Variants in SPOCK3 observed in about 807,000 individuals in gnomAD.
SPOCK3 encodes the protein testican-3.
SPOCK3 carries 30 observed loss-of-function variants against 56.6 expected under a neutral mutation model. The ratio of observed to expected loss-of-function variants is 0.53; its 90% CI spans 0.40 to 0.72. SPOCK3 has a LOEUF of 0.72. Among genes scored for constraint, SPOCK3 ranks in the 30% least tolerant of loss-of-function variants. The pLI is 0.00. For synonymous variants in SPOCK3, 196 were observed against 183.3 expected, an observed-to-expected ratio of 1.07 and a Z score of -0.56; for missense variants, 527 against 530.0, an observed-to-expected ratio of 0.99 and a Z score of 0.06.
intron 3 of SPOCK3, among the ~76,000 whole-genome samples, chr4:167,038,456 A>T (rs558137786): frequency 3.6e-4 from 54 of 152,084 alleles, no homozygotes; most frequent in Admixed American, 9.2e-4. Flanking sequence ...GCTAATCTTG[A>T]AAAAAGAGAG....
At chr4:167,219,060 A>C (rs964921555) in intron 2 of SPOCK3, among the ~76,000 whole-genome samples, 15 of 152,184 alleles carry the variant, frequency 9.9e-5, no homozygotes, top group African/African-American at 3.6e-4. Context: ...TCAAGGAAAA[A>C]TGTCTCAGGT....
intron 2 of SPOCK3, among the ~76,000 whole-genome samples, chr4:167,172,075 C>T (rs573702369): frequency 3.4e-4 from 52 of 152,054 alleles, no homozygotes; most frequent in Admixed American, 3.1e-3. Flanking sequence ...CTGCTTCTGG[C>T]GAGTCTCTAG....
chr4:166,946,911 C>G (rs1741832300), intron 4 of SPOCK3, among the ~76,000 whole-genome samples: 1 of 152,090 alleles, frequency 6.6e-6, no homozygotes, highest in South Asian at 2.1e-4. Flanking sequence ...ACAAAACAAT[C>G]AACATCACCA....
intron 7 of SPOCK3, among the ~76,000 whole-genome samples, chr4:166,786,266 A>T (rs1427451971): frequency 2.0e-5 from 3 of 152,132 alleles, no homozygotes; most frequent in African/African-American, 7.2e-5. Context: ...ACTATGAAGA[A>T]TTATATTAAT....
chr4:167,010,414 A>G (rs1212600913), intron 3 of SPOCK3, among the ~76,000 whole-genome samples: 1 of 151,418 alleles, frequency 6.6e-6, no homozygotes, highest in African/African-American at 2.4e-5. Flanking sequence ...AGCTACTCAG[A>G]AAGCTGAGAT....
At chr4:167,183,967 T>C (rs1192585277) in intron 2 of SPOCK3, among the ~76,000 whole-genome samples, 1 of 152,224 alleles carries the variant, frequency 6.6e-6, no homozygotes, top group Non-Finnish European at 1.5e-5. Context: ...ACCAGGATCA[T>C]TTATTTGAAG....
chr4:166,872,363 G>T (rs189742823), intron 6 of SPOCK3, among the ~76,000 whole-genome samples: 1 of 152,076 alleles, frequency 6.6e-6, no homozygotes. Context: ...AGCTAATTTA[G>T]CATCGTTGCA....
chr4:167,030,428 C>T (rs774409758), intron 3 of SPOCK3, among the ~76,000 whole-genome samples: 12 of 152,040 alleles, frequency 7.9e-5, no homozygotes, highest in Non-Finnish European at 1.0e-4. Context: ...GGCTGCGAAG[C>T]ACAGGTTAAT....
intron 5 of SPOCK3, among the ~76,000 whole-genome samples, chr4:166,900,660 T>C (rs1735945608): frequency 6.6e-6 from 1 of 152,198 alleles, no homozygotes; most frequent in Non-Finnish European, 1.5e-5. Flanking sequence ...CACGCTGCTC[T>C]TTGAATCCAC....
At chr4:166,951,145 G>A (rs1742561577) in intron 4 of SPOCK3, among the ~76,000 whole-genome samples, 1 of 144,178 alleles carries the variant, frequency 6.9e-6, no homozygotes, top group Non-Finnish European at 1.5e-5. Flanking sequence ...ATGAATCCAG[G>A]AGCTGGTTTT....
At chr4:166,801,726 A>G in intron 6 of SPOCK3, among the ~76,000 whole-genome samples, 1 of 152,320 alleles carries the variant, frequency 6.6e-6, no homozygotes, top group South Asian at 2.1e-4. Context: ...TAATTTATTT[A>G]TGAATAATTG....
intron 2 of SPOCK3, among the ~76,000 whole-genome samples, chr4:167,128,814 T>C (rs2150377568): frequency 6.6e-6 from 1 of 152,280 alleles, no homozygotes; most frequent in South Asian, 2.1e-4. Flanking sequence ...GCTCAGTTTG[T>C]CTCTTCTGTT....
In SPOCK3 at chr4:166,924,999, G is replaced by A. The variant is rs558516368; in HGVS notation, c.351-12256C>T. 4.6e-5 allele frequency among the ~76,000 whole-genome samples: 7 copies of A among 152,230 alleles called. No homozygotes were observed. In the South Asian group the frequency reaches 1.2e-3, roughly 27 times the overall value. On this transcript the variant is annotated intron_variant, in intron 4 of 10. Coordinates refer to ENST00000357545, the MANE Select transcript of SPOCK3 (RefSeq NM_001040159.2). ...CCTGGGGTACTTTAATCACTTCCCA[G>A]CAATAGATTAAATATAACTTTGTAG... is the stretch of plus-strand genomic sequence containing the variant.
chr4:166,807,687 A>T (rs1451828108), intron 6 of SPOCK3, among the ~76,000 whole-genome samples: 1 of 152,126 alleles, frequency 6.6e-6, no homozygotes, highest in Non-Finnish European at 1.5e-5. Flanking sequence ...TAGGACACAT[A>T]CTATAAAAAA....
rs183063199 is a variant in SPOCK3 at position 167,008,801 on chromosome 4, A to G, written c.236-8338T>C. On this transcript the variant is annotated intron_variant, in intron 3 of 10. Coordinates refer to ENST00000357545, the MANE Select transcript of SPOCK3 (RefSeq NM_001040159.2). ...GGAGCTAAACAAAGAGTACACATGG[A>G]CCTAAAGATGGAAACAATAGACAGT... Among the ~76,000 whole-genome samples the G allele has an allele frequency of 2.0e-5, 3 of 152,220 alleles. No individual in the cohort carries two copies. In the East Asian group the frequency reaches 5.8e-4, roughly 30 times the overall value.
At chr4:166,895,567 GAA>G (rs1218900965) in intron 5 of SPOCK3, among the ~76,000 whole-genome samples, 1 of 152,126 alleles carries the variant, frequency 6.6e-6, no homozygotes, top group Non-Finnish European at 1.5e-5. Flanking sequence ...TAAAAATACT[GAA>G]GTGTGATAGC....
chr4:167,166,084 A>T (rs916515000), intron 2 of SPOCK3, among the ~76,000 whole-genome samples: 1 of 152,064 alleles, frequency 6.6e-6, no homozygotes, highest in African/African-American at 2.4e-5. Flanking sequence ...GAAATTCATA[A>T]CCCACATGCA....
chr4:166,886,040 G>C (rs1560972548), intron 6 of SPOCK3, among the ~76,000 whole-genome samples: 1 of 151,908 alleles, frequency 6.6e-6, no homozygotes, highest in African/African-American at 2.4e-5. Flanking sequence ...ATTTTTCAAT[G>C]TTCTTTTTCA....
chr4:166,929,140 T>C (rs1739447549), intron 4 of SPOCK3, among the ~76,000 whole-genome samples: 1 of 150,904 alleles, frequency 6.6e-6, no homozygotes, highest in African/African-American at 2.5e-5. Context: ...GTACCCTCTG[T>C]TCAGTATTAC....
Sources: gnomAD v4.1 joint callset for allele counts (sites outside exome capture counted in the v4.1 genomes callset) on GRCh38, gnomAD v4.1.1 for gene constraint, MANE v1.5 for transcripts, NCBI Gene and HGNC (gene_info 2026-07-23, HGNC 2026-07-21) for gene names.